The following ZNF385D variants were observed in gnomAD, a reference collection of about 807,000 sequenced individuals.
ZNF385D encodes zinc finger protein 385D, also known as zinc finger protein 659.
A neutral mutation model predicts 35.8 loss-of-function variants in ZNF385D; 15 were observed. The observed-to-expected ratio is 0.42, with a 90% CI of 0.28 to 0.64. The LOEUF is 0.64. Among genes scored for constraint, ZNF385D ranks in the 30% least tolerant of loss-of-function variants. The pLI, the probability that ZNF385D is intolerant of heterozygous loss-of-function variation, is 0.23. For synonymous variants in ZNF385D, 212 were observed against 186.8 expected, an observed-to-expected ratio of 1.13 and a Z score of -1.10; for missense variants, 474 against 494.6, an observed-to-expected ratio of 0.96 and a Z score of 0.39.
At chr3:21,545,505 G>A (rs1415661111) in intron 3 of ZNF385D, among the ~76,000 whole-genome samples, 1 of 152,186 alleles carries the variant, frequency 6.6e-6, no homozygotes, top group Non-Finnish European at 1.5e-5. Context: ...ATACACTCCT[G>A]TGATCAGAAT....
At chr3:22,127,975 G>C (rs1368043145) in intron 3 of ZNF385D, among the ~76,000 whole-genome samples, 1 of 152,106 alleles carries the variant, frequency 6.6e-6, no homozygotes, top group Non-Finnish European at 1.5e-5. Context: ...TATTACCAGT[G>C]AGTTTTGTAC....
intron 5 of ZNF385D, among the ~76,000 whole-genome samples, chr3:21,426,026 C>T (rs550223265): frequency 6.6e-6 from 1 of 152,142 alleles, no homozygotes; most frequent in Admixed American, 6.6e-5. Context: ...CCTCTTGATA[C>T]TAACAAGACA....
At chr3:22,127,733 C>A (rs1703521541) in intron 3 of ZNF385D, among the ~76,000 whole-genome samples, 1 of 152,036 alleles carries the variant, frequency 6.6e-6, no homozygotes, top group Non-Finnish European at 1.5e-5. Flanking sequence ...ACTCTGATTG[C>A]AAAAACAACC....
chr3:21,931,441 G>T (rs1701003183), intron 3 of ZNF385D, among the ~76,000 whole-genome samples: 1 of 152,088 alleles, frequency 6.6e-6, no homozygotes, highest in African/African-American at 2.4e-5. Flanking sequence ...TACATTCCTA[G>T]ATATTTACTT....
intron 2 of ZNF385D, among the ~76,000 whole-genome samples, chr3:22,232,666 G>T (rs1246751248): frequency 1.3e-5 from 2 of 152,274 alleles, no homozygotes; most frequent in East Asian, 3.9e-4. Flanking sequence ...GTGATAGTTT[G>T]CTGAGAATGA....
intron 2 of ZNF385D, among the ~76,000 whole-genome samples, chr3:22,205,253 A>G (rs1697072506): frequency 1.3e-5 from 2 of 152,200 alleles, no homozygotes; most frequent in East Asian, 1.9e-4. Context: ...TTATCCTAGA[A>G]TAGTATATTT....
chr3:21,917,634 C>A (rs370675538), intron 3 of ZNF385D, among the ~76,000 whole-genome samples: 4 of 152,196 alleles, frequency 2.6e-5, no homozygotes, highest in African/African-American at 9.6e-5. Flanking sequence ...TTCTGCTTCA[C>A]GTTATAGAGT....
chr3:21,604,996 T>TCTGA (rs1234956234), intron 2 of ZNF385D, among the ~76,000 whole-genome samples: 2 of 152,166 alleles, frequency 1.3e-5, no homozygotes, highest in African/African-American at 4.8e-5. Context: ...TGGGCATACC[T>TCTGA]CTGACACTAG....
At chr3:21,961,987 GT>G (rs1702622582) in intron 3 of ZNF385D, among the ~76,000 whole-genome samples, 1 of 152,008 alleles carries the variant, frequency 6.6e-6, no homozygotes. Context: ...ACAGGGTCTT[GT>G]GGGCCAGATT....
rs533604912 is a variant in ZNF385D, at chr3:22,175,914, TTA to T, written c.107-6881_107-6880del. ...GTTATGGTAAAACATTAAATATATA[TTA>T]TATATAATATATAAAATCATATTTA... On this transcript the variant is annotated intron_variant, in intron 2 of 5. Coordinates refer to the ZNF385D transcript ENST00000494108. Among the ~76,000 whole-genome samples, 307 of 148,652 alleles carry T rather than the reference TTA, an allele frequency of 2.1e-3. 1 individual carries two copies. The highest frequency in any genetic ancestry group is 7.3e-3 in the African/African-American group (299 of 40,920).
intron 3 of ZNF385D, among the ~76,000 whole-genome samples, chr3:21,847,855 A>C (rs1443436076): frequency 6.6e-6 from 1 of 152,058 alleles, no homozygotes; most frequent in Non-Finnish European, 1.5e-5. Context: ...TTAACATGAG[A>C]CCACACTTTC....
chr3:22,140,376 A>G (rs138614739), intron 3 of ZNF385D, among the ~76,000 whole-genome samples: 5 of 152,312 alleles, frequency 3.3e-5, no homozygotes, highest in African/African-American at 9.6e-5. Flanking sequence ...CAAAATGACA[A>G]AATTATAGCA....
chr3:21,711,330 C>A lies in ZNF385D; in HGVS notation c.22+39565G>T, dbSNP rs374164852. The stretch of plus-strand genomic sequence containing the variant: ...TGCTGGGATTACAGGCATGAGCCAC[C>A]GCGCCCGGCCGCCAAAAGTTTCATA... On this transcript the variant is annotated intron_variant, in intron 1 of 7. Coordinates refer to ENST00000281523, the MANE Select transcript of ZNF385D (RefSeq NM_024697.3). 3.7e-4 allele frequency among the ~76,000 whole-genome samples: 57 copies of A among 152,098 alleles called. No individual in the cohort carries two copies. In the East Asian group the frequency reaches 8.3e-3, roughly 22 times the overall value.
chr3:22,271,536 C>T (rs967479936), intron 2 of ZNF385D, among the ~76,000 whole-genome samples: 1 of 151,916 alleles, frequency 6.6e-6, no homozygotes, highest in African/African-American at 2.4e-5. Context: ...CGGGCCTCAG[C>T]TTATGTTTTC....
intron 3 of ZNF385D, among the ~76,000 whole-genome samples, chr3:22,146,414 TG>T (rs1343960144): frequency 2.6e-5 from 4 of 152,334 alleles, no homozygotes; most frequent in African/African-American, 9.6e-5. Context: ...TGAATTTTTT[TG>T]TATGTTTTTG....
chr3:21,987,969 G>A (rs1429203313), intron 3 of ZNF385D, among the ~76,000 whole-genome samples: 2 of 147,060 alleles, frequency 1.4e-5, no homozygotes, highest in Non-Finnish European at 3.0e-5. Flanking sequence ...ATTGGCTCCT[G>A]AAGCTTCTGC....
At chr3:21,991,093 A>C (rs1307433180) in intron 3 of ZNF385D, among the ~76,000 whole-genome samples, 1 of 152,204 alleles carries the variant, frequency 6.6e-6, no homozygotes, top group Non-Finnish European at 1.5e-5. Flanking sequence ...TAATTATGAA[A>C]ATGTAAGTAA....
At chr3:21,994,089 G>A (rs1222839734) in intron 3 of ZNF385D, among the ~76,000 whole-genome samples, 1 of 152,126 alleles carries the variant, frequency 6.6e-6, no homozygotes, top group African/African-American at 2.4e-5. Context: ...CTTTCTTACT[G>A]AGATCCTTCT....
intron 2 of ZNF385D, among the ~76,000 whole-genome samples, chr3:22,314,910 T>C (rs962276806): frequency 6.6e-6 from 1 of 152,170 alleles, no homozygotes; most frequent in African/African-American, 2.4e-5. Context: ...CAAATGGAAA[T>C]GTGTAGTACT....
Sources: allele counts gnomAD v4.1 joint callset (sites outside exome capture counted in the v4.1 genomes callset), GRCh38; gene constraint gnomAD v4.1.1; transcripts MANE v1.5; gene names NCBI Gene and HGNC (gene_info 2026-07-23, HGNC 2026-07-21).